Variants in ATP6V1G3 observed in about 807,000 individuals in gnomAD.
ATP6V1G3 encodes the protein V-type proton ATPase subunit G 3.
A neutral mutation model predicts 9.3 loss-of-function variants in ATP6V1G3; 9 were observed. The observed-to-expected ratio is 0.97, with a 90% CI of 0.59 to 1.69. The LOEUF is 1.69. Ranked by LOEUF, ATP6V1G3 falls within the 40% of genes most tolerant of loss-of-function variation. The pLI is 0.00. For synonymous variants in ATP6V1G3, 43 were observed against 43.8 expected, an observed-to-expected ratio of 0.98 and a Z score of 0.07; for missense variants, 133 against 139.0, an observed-to-expected ratio of 0.96 and a Z score of 0.22.
intron 1 of ATP6V1G3, 24 bp downstream of exon 1, chr1:198,540,545 A>C: frequency 6.2e-7 from 1 of 1,603,912 alleles, no homozygotes; most frequent in Non-Finnish European, 8.5e-7. Flanking sequence ...ATTTCGTGAC[A>C]GACCCCTCAC....
At chr1:198,532,420 T>C (rs1395112563) in intron 1 of ATP6V1G3, among the ~76,000 whole-genome samples, 3 of 152,158 alleles carry the variant, frequency 2.0e-5, no homozygotes, top group Admixed American at 2.0e-4. Flanking sequence ...AGATATTTAA[T>C]CAACATAACT....
At chr1:198,537,553 A>C (rs1300375540) in intron 1 of ATP6V1G3, among the ~76,000 whole-genome samples, 1 of 152,176 alleles carries the variant, frequency 6.6e-6, no homozygotes, top group Non-Finnish European at 1.5e-5. Context: ...AATGGTGTTC[A>C]CTATTGTGAC....
chr1:198,523,679 T>A (rs1571710910), intron 2 of ATP6V1G3, 115 bp from the exon 3 acceptor site: 1 of 962,332 alleles, frequency 1.0e-6, no homozygotes, highest in East Asian at 2.7e-5. Flanking sequence ...GTACTCCTTT[T>A]CTAGATTTTT....
chr1:198,537,508 A>G (rs892567087), intron 1 of ATP6V1G3, among the ~76,000 whole-genome samples: 1 of 152,106 alleles, frequency 6.6e-6, no homozygotes, highest in Non-Finnish European at 1.5e-5. Flanking sequence ...AAATAAATGG[A>G]TTTAAGAAAG....
chr1:198,524,639 A>T (rs1260121462), intron 2 of ATP6V1G3, among the ~76,000 whole-genome samples: 1 of 152,200 alleles, frequency 6.6e-6, no homozygotes, highest in Non-Finnish European at 1.5e-5. Flanking sequence ...TGATTTGACC[A>T]AAATATAATT....
chr1:198,539,851 T>G (rs150187756), intron 1 of ATP6V1G3, among the ~76,000 whole-genome samples: 1 of 152,340 alleles, frequency 6.6e-6, no homozygotes, highest in African/African-American at 2.4e-5. Flanking sequence ...ATTTGGCTGT[T>G]GTATCAAAGA....
chr1:198,529,926 G>A (rs1040132727), intron 1 of ATP6V1G3, among the ~76,000 whole-genome samples: 8 of 151,974 alleles, frequency 5.3e-5, no homozygotes, highest in South Asian at 2.1e-4. Context: ...CAACATAAAC[G>A]AAAGTTTTAG....
intron 1 of ATP6V1G3, among the ~76,000 whole-genome samples, chr1:198,529,875 T>A (rs1050064305): frequency 7.2e-5 from 11 of 152,154 alleles, no homozygotes; most frequent in Non-Finnish European, 1.5e-4. Flanking sequence ...TAGCCTTTTT[T>A]CTTTTATTAA....
At chr1:198,525,884 C>A (rs979796263) in intron 2 of ATP6V1G3, among the ~76,000 whole-genome samples, 5 of 152,022 alleles carry the variant, frequency 3.3e-5, no homozygotes, top group African/African-American at 1.2e-4. Flanking sequence ...AATCATTTTC[C>A]AGAGAGACTT....
chr1:198,537,395 C>A (rs1320889143), intron 1 of ATP6V1G3, among the ~76,000 whole-genome samples: 1 of 151,968 alleles, frequency 6.6e-6, no homozygotes, highest in East Asian at 1.9e-4. Context: ...TTTCTCTTTC[C>A]CTCTTTCTCG....
At chr1:198,530,815 C>G (rs761371716) in intron 1 of ATP6V1G3, among the ~76,000 whole-genome samples, 2 of 152,064 alleles carry the variant, frequency 1.3e-5, no homozygotes, top group African/African-American at 4.8e-5. Flanking sequence ...AACCCACTTT[C>G]TTCTATCTGT....
At chr1:198,536,606 G>C in intron 1 of ATP6V1G3, 1 of 1,284,152 alleles carries the variant, frequency 7.8e-7, no homozygotes. Context: ...AAATGAGTGA[G>C]AGCTTTAACT....
At chr1:198,529,824 A>G (rs1318558817) in intron 1 of ATP6V1G3, among the ~76,000 whole-genome samples, 2 of 151,926 alleles carry the variant, frequency 1.3e-5, no homozygotes, top group African/African-American at 4.8e-5. Flanking sequence ...GAAAGTGGCT[A>G]TAAAACCAAT....
At chr1:198,532,619 T>A (rs1659948981) in intron 1 of ATP6V1G3, among the ~76,000 whole-genome samples, 1 of 151,974 alleles carries the variant, frequency 6.6e-6, no homozygotes, top group Non-Finnish European at 1.5e-5. Flanking sequence ...TAAAGAAAGA[T>A]GGTGGATTCT....
At chr1:198,536,974 A>C (rs1660138927) in intron 1 of ATP6V1G3, among the ~76,000 whole-genome samples, 1 of 152,116 alleles carries the variant, frequency 6.6e-6, no homozygotes, top group Non-Finnish European at 1.5e-5. Context: ...TGAAACTTGG[A>C]GATGTTAAAT....
rs745394093 is a variant in ATP6V1G3, at chr1:198,523,522, G to A, written c.226C>T (p.Gln76Ter). 1 of 1,613,116 alleles carries A rather than the reference G, an allele frequency of 6.2e-7. No homozygotes were observed. The highest frequency in any genetic ancestry group is 1.3e-5 in the African/African-American group (1 of 74,862). Reference protein sequence around the residue: ...QNNLSDEIEEQTLGKIQELNG... With the variant: ...QNNLSDEIEE ...AGTTCTTGTATCTTCCCTAGTGTTTGTTCTTCTATTTCATCTGAGAGATTA... is the reference window on the plus strand; with the variant it reads ...AGTTCTTGTATCTTCCCTAGTGTTTATTCTTCTATTTCATCTGAGAGATTA... Residue 76 changes from glutamine (Q) to a stop codon, truncating the protein, a stop_gained, in exon 3 of 3, where the codon CAA (glutamine) becomes TAA (stop). Coordinates refer to ENST00000367382, the MANE Select transcript of ATP6V1G3 (RefSeq NM_001376861.1). LOFTEE classifies it low-confidence loss of function (END_TRUNC).
intron 1 of ATP6V1G3, among the ~76,000 whole-genome samples, chr1:198,540,082 G>T (rs1394115063): frequency 6.6e-6 from 1 of 151,930 alleles, no homozygotes; most frequent in Non-Finnish European, 1.5e-5. Context: ...AAAATAAAAA[G>T]AGAGGTAGAA....
intron 2 of ATP6V1G3, among the ~76,000 whole-genome samples, chr1:198,528,323 AT>A (rs1271368391): frequency 1.3e-5 from 2 of 152,098 alleles, no homozygotes; most frequent in Non-Finnish European, 2.9e-5. Flanking sequence ...AGATTTCCAA[AT>A]TGCTAATAAT....
At chr1:198,539,229 T>C (rs759982288) in intron 1 of ATP6V1G3, among the ~76,000 whole-genome samples, 6 of 152,206 alleles carry the variant, frequency 3.9e-5, no homozygotes, top group Non-Finnish European at 7.3e-5. Context: ...TTGAAAACTT[T>C]AGTGTACCTG....
Sources: gnomAD v4.1 joint callset for allele counts (sites outside exome capture counted in the v4.1 genomes callset) on GRCh38, gnomAD v4.1.1 for gene constraint, MANE v1.5 for transcripts, NCBI Gene and HGNC (gene_info 2026-07-23, HGNC 2026-07-21) for gene names.